LCN8: variants seen among roughly 807,000 people sequenced by gnomAD.
LCN8 encodes lipocalin 8.
In LCN8, 16 loss-of-function variants were observed where a neutral mutation model predicts 22.8. The observed-to-expected ratio is 0.70, with a 90% confidence interval of 0.47 to 1.06. LCN8 has a LOEUF of 1.06. Ranked by LOEUF, LCN8 falls within the 50% of genes least tolerant of loss-of-function variation. The pLI is 0.00. For synonymous variants in LCN8, 92 were observed against 83.4 expected (o/e 1.10, Z -0.56); for missense variants, 189 against 203.3 (o/e 0.93, Z 0.43).
chr9:136,756,813 T>A (rs1406936905), intron 2 of LCN8, among the ~76,000 whole-genome samples: 1 of 152,334 alleles, frequency 6.6e-6, no homozygotes, highest in East Asian at 1.9e-4. Context: ...TTTTCCTTCC[T>A]TCTAAGTTCA....
At position 136,755,481 on chromosome 9, in the gene LCN8, C is replaced by T. The variant is rs567949310; in HGVS notation, c.262G>A (p.Glu88Lys). 9 of 1,613,090 alleles carry T rather than the reference C, an allele frequency of 5.6e-6. No individual in the cohort carries two copies. The highest frequency in any genetic ancestry group is 5.3e-5 in the African/African-American group (4 of 75,060). Residue 88 changes from glutamate to lysine, a missense_variant, in exon 4 of 7, where the codon GAG (glutamate) becomes AAG (lysine). Physicochemically the swap from Glu to Lys is moderately conservative, Grantham distance 56. Transcript: ENST00000371688. ...GACACCCGCAGGATGGCGTAGCCCT[C>T]GTAGTCGGTGTCCAGCACGTGGATC... ...REIHVLDTDY[E>K]GYAILRVSLM...
intron 1 of LCN8, chr9:136,757,501 GA>G: frequency 7.4e-7 from 1 of 1,354,962 alleles, no homozygotes. Context: ...CCCAGGAGCA[GA>G]GGCCTGGAAA....
At chr9:136,756,948 C>G in intron 2 of LCN8, 90 bp downstream of exon 2, 1 of 1,467,754 alleles carries the variant, frequency 6.8e-7, no homozygotes, top group South Asian at 1.3e-5. Flanking sequence ...GCACTCAGCC[C>G]AGACCCCACG....
chr9:136,757,587 G>C (rs1281165282), intron 1 of LCN8: 5 of 1,394,142 alleles, frequency 3.6e-6, no homozygotes, highest in East Asian at 2.7e-5. Flanking sequence ...TCGCCAGCCT[G>C]CCAACCACGC....
intron 6 of LCN8, 167 bp downstream of exon 6, chr9:136,754,968 T>A (rs1588306248): frequency 7.1e-7 from 1 of 1,405,400 alleles, no homozygotes; most frequent in African/African-American, 1.4e-5. Flanking sequence ...GACAGACTCA[T>A]CTCTGGAGCT....
At chr9:136,755,966 G>T (rs1204833445) in intron 3 of LCN8, 2 of 1,294,782 alleles carry the variant, frequency 1.5e-6, no homozygotes, top group Non-Finnish European at 2.0e-6. Flanking sequence ...ACAGTGCAGG[G>T]AATGCATGGG....
chr9:136,756,599 G>A lies in LCN8; in HGVS notation c.156-7C>T. The A allele has an allele frequency of 1.9e-6, 3 of 1,612,894 alleles. No homozygotes were observed. Among genetic ancestry groups the A allele is most frequent in the Non-Finnish European group, 1.7e-6 (2 of 1,179,226 alleles). On this transcript the variant is annotated splice_region_variant and splice_polypyrimidine_tract_variant and intron_variant, in intron 2 of 6. Transcript: ENST00000371688. ...TATCTCACAGCTTCCTGAGCTGAAA[G>A]GCAGCAAAGTGCCCATCGGTAAAAT...
At chr9:136,754,780 G>A (rs921006292) in intron 6 of LCN8, 23 of 1,370,498 alleles carry the variant, frequency 1.7e-5, no homozygotes, top group Middle Eastern at 5.4e-4. Flanking sequence ...CCCCGCCGCC[G>A]ACGGGACCTT....
intron 1 of LCN8, 142 bp downstream of exon 1, chr9:136,757,765 A>C: frequency 6.4e-7 from 1 of 1,571,208 alleles, no homozygotes; most frequent in Non-Finnish European, 8.7e-7. Context: ...GACTCAGCGG[A>C]GAAGAAAATG....
intron 3 of LCN8, 34 bp downstream of exon 3, chr9:136,756,488 G>T: frequency 6.2e-7 from 1 of 1,614,096 alleles, no homozygotes; most frequent in South Asian, 1.1e-5. Flanking sequence ...GCACAGCCGG[G>T]TTCCACCTGC....
chr9:136,754,918 G>T, intron 6 of LCN8: 1 of 1,377,810 alleles, frequency 7.3e-7, no homozygotes, highest in Non-Finnish European at 9.3e-7. Flanking sequence ...GGCAGCCTAG[G>T]GTCACCACCC....
In LCN8 at chr9:136,758,060, T is replaced by C; in HGVS notation, c.-130A>G. The C allele has an allele frequency of 6.6e-7, 1 of 1,508,394 alleles. No homozygotes were observed. The highest frequency in any genetic ancestry group is 2.1e-5 in the Admixed American group (1 of 48,194). The allele number at this position is 1,508,394 out of a possible 1,614,324, so 93.4% of individuals were successfully genotyped here. ...GCCTGGGCCGATTCTATACGGACAGTGCAGGCTTGTGCGCCCACCCGGGAA... is the reference window on the plus strand; with the variant it reads ...GCCTGGGCCGATTCTATACGGACAGCGCAGGCTTGTGCGCCCACCCGGGAA... On this transcript the variant is annotated 5_prime_UTR_variant, in exon 1 of 7. Transcript: ENST00000371688.
chr9:136,755,135 C>G lies in LCN8; in HGVS notation c.447G>C (p.Glu149Asp), dbSNP rs1294571563. 6.3e-7 allele frequency: 1 copy of G among 1,576,256 alleles called. No homozygotes were observed. The highest frequency in any genetic ancestry group is 8.6e-7 in the Non-Finnish European group (1 of 1,159,980). The change falls in exon 6 of 7, where the codon GAG (glutamate) becomes GAC (aspartate). Residue 149 changes from glutamate (E) to aspartate (D), a missense_variant and splice_region_variant. Glu to Asp is a conservative substitution (Grantham distance 45). Coordinates refer to ENST00000371688, the MANE Select transcript of LCN8 (RefSeq NM_178469.4). ...GGCCAGGGTCGGGGGTCAGGCTCAC[C>G]TCCTTCAGGAGCTCGGCACACCGCC... ...RPGRCAELLK[E>D]ELI
chr9:136,757,109 G>T lies in LCN8; in HGVS notation c.84C>A (p.Ala28=), dbSNP rs774137715. ...VASDQSLVLT[A]PKRVEGLFLT... is the part of the protein sequence containing the mutation. The stretch of plus-strand genomic sequence containing the variant: ...GGAACAAGCCCTCCACCCGCTTCGG[G>T]GCCGTCAGCACCAGGCTTTGATCGG... The change falls in exon 2 of 7, where the codon GCC becomes GCA. Residue 28 remains alanine, a synonymous_variant. Transcript: ENST00000371688. The T allele has an allele frequency of 1.2e-6, 2 of 1,613,574 alleles. No homozygotes were observed.
At chr9:136,754,750 C>T (rs1324021816) in intron 6 of LCN8, 2 of 1,387,454 alleles carry the variant, frequency 1.4e-6, no homozygotes, top group African/African-American at 2.9e-5. Context: ...AGCCCTGAGG[C>T]AGCGCCCGCA....
At position 136,755,003 on chromosome 9, in the gene LCN8, T is replaced by C. The variant is rs1847149029; in HGVS notation, c.447+132A>G. ...TGCCCACCAGTGGTGTTTGGTGTCC[T>C]GTTCACAGGAAGGGGTGAGAAGGCC... On this transcript the variant is annotated intron_variant, in intron 6 of 6. Coordinates refer to ENST00000371688, the MANE Select transcript of LCN8 (RefSeq NM_178469.4). 4.9e-6 allele frequency: 7 copies of C among 1,432,868 alleles called. No individual in the cohort carries two copies. The South Asian group carries it at 9.3e-5, about 19-fold the overall frequency. 88.8% of individuals were successfully genotyped at this position (1,432,868 alleles called of 1,614,324 possible).
chr9:136,757,749 G>A (rs1034206853), intron 1 of LCN8, 158 bp downstream of exon 1: 5 of 985,434 alleles, frequency 5.1e-6, no homozygotes, highest in Non-Finnish European at 3.6e-6. Context: ...CCCAGCAGCC[G>A]GCACAGACTC....
intron 3 of LCN8, chr9:136,756,101 A>C: frequency 8.9e-7 from 1 of 1,121,512 alleles, no homozygotes; most frequent in South Asian, 1.3e-5. Flanking sequence ...CATGGGGAAC[A>C]GTGCAGGGAA....
rs1847210240 is a variant in LCN8, at chr9:136,756,579, C to G, written c.169G>C (p.Glu57Gln). ...TCTGAGCCCACGATCTTCTCTATCT[C>G]ACAGCTTCCTGAGCTGAAAGGCAGC... ...KVAYNSSGSC[E>Q]IEKIVGSEID... is the part of the protein sequence containing the mutation. Residue 57 changes from glutamate (E) to glutamine (Q), a missense_variant, in exon 3 of 7, where the codon GAG (glutamate) becomes CAG (glutamine). Coordinates refer to ENST00000371688, the MANE Select transcript of LCN8 (RefSeq NM_178469.4). 4 of 1,613,530 alleles carry G rather than the reference C, an allele frequency of 2.5e-6. No homozygotes were observed. Among genetic ancestry groups the G allele is most frequent in the Non-Finnish European group, 3.4e-6 (4 of 1,179,750 alleles).
Sources: gnomAD v4.1 joint callset for allele counts (sites outside exome capture counted in the v4.1 genomes callset) on GRCh38, gnomAD v4.1.1 for gene constraint, MANE v1.5 for transcripts, NCBI Gene and HGNC (gene_info 2026-07-23, HGNC 2026-07-21) for gene names.